The following ATXN1 variants were observed in gnomAD, a reference collection of about 807,000 sequenced individuals.
The protein encoded by ATXN1 is ataxin-1.
ATXN1 carries 8 observed loss-of-function variants against 56.4 expected under a neutral mutation model. The ratio of observed to expected loss-of-function variants is 0.14; its 90% CI spans 0.08 to 0.26. ATXN1 has a LOEUF of 0.26. Ranked by LOEUF, ATXN1 falls within the 10% of genes least tolerant of loss-of-function variation. The pLI, the probability that ATXN1 is intolerant of heterozygous loss-of-function variation, is 1.00. For synonymous variants in ATXN1, 514 were observed against 494.6 expected (o/e 1.04, Z -0.52); for missense variants, 987 against 1,106.5 (o/e 0.89, Z 1.53).
intron 5 of ATXN1, among the ~76,000 whole-genome samples, chr6:16,518,213 C>T (rs766230526): frequency 2.6e-5 from 4 of 152,168 alleles, no homozygotes; most frequent in Admixed American, 2.6e-4. Context: ...AGGAAGGAAA[C>T]GCCACGCCCC....
chr6:16,474,577 T>C (rs1293145766), intron 6 of ATXN1, among the ~76,000 whole-genome samples: 2 of 152,204 alleles, frequency 1.3e-5, no homozygotes, highest in African/African-American at 4.8e-5. Context: ...TTGGGATGGC[T>C]TGTTACACAG....
At chr6:16,627,419 C>T (rs1444934107) in intron 3 of ATXN1, among the ~76,000 whole-genome samples, 2 of 152,120 alleles carry the variant, frequency 1.3e-5, no homozygotes, top group Admixed American at 1.3e-4. Context: ...TACATATCAC[C>T]CAACATCCCA....
intron 6 of ATXN1, among the ~76,000 whole-genome samples, chr6:16,395,270 CAAAAAAAA>C (rs748314030): frequency 2.1e-5 from 1 of 48,456 alleles, no homozygotes; most frequent in Non-Finnish European, 3.9e-5. Context: ...AACTCCGTCT[CAAAAAAAA>C]AAAAAAAAAA....
intron 6 of ATXN1, among the ~76,000 whole-genome samples, chr6:16,402,605 G>C (rs16878043): frequency 0.018 from 2,702 of 152,192 alleles, 74 homozygotes; most frequent in African/African-American, 0.059. Flanking sequence ...TGCATGCAAG[G>C]CTTAGCTGGA....
chr6:16,623,120 G>A (rs1289319875), intron 3 of ATXN1, among the ~76,000 whole-genome samples: 2 of 151,914 alleles, frequency 1.3e-5, no homozygotes, highest in East Asian at 3.8e-4. Context: ...CATTCAAGTA[G>A]TTTGGGTTTA....
chr6:16,526,041 C>CTATATATATATATATA (rs71769107), intron 4 of ATXN1, among the ~76,000 whole-genome samples: 20 of 127,122 alleles, frequency 1.6e-4, no homozygotes, highest in African/African-American at 3.8e-4. Context: ...AGAAATAAAT[C>CTATATATATATATATA]TATATATATA....
chr6:16,404,374 AGG>A (rs1262469455), intron 6 of ATXN1, among the ~76,000 whole-genome samples: 1 of 152,176 alleles, frequency 6.6e-6, no homozygotes, highest in African/African-American at 2.4e-5. Flanking sequence ...TTCCACTAAA[AGG>A]TGCTTTGTCC....
chr6:16,686,025 A>G (rs1476083651), intron 2 of ATXN1, among the ~76,000 whole-genome samples: 3 of 152,210 alleles, frequency 2.0e-5, no homozygotes, highest in Non-Finnish European at 4.4e-5. Flanking sequence ...AATATTCTTA[A>G]TGAAAAGTTC....
At chr6:16,608,209 C>T (rs1763045534) in intron 3 of ATXN1, among the ~76,000 whole-genome samples, 1 of 152,214 alleles carries the variant, frequency 6.6e-6, no homozygotes, top group African/African-American at 2.4e-5. Flanking sequence ...CAAACCTGCT[C>T]TACATCTGTC....
intron 3 of ATXN1, among the ~76,000 whole-genome samples, chr6:16,653,599 A>T (rs1048389280): frequency 2.0e-4 from 31 of 152,180 alleles, no homozygotes; most frequent in African/African-American, 5.8e-4. Flanking sequence ...CTCATAGCTG[A>T]TGTCCCCACT....
At chr6:16,395,946 C>T (rs1157630228) in intron 6 of ATXN1, among the ~76,000 whole-genome samples, 2 of 128,580 alleles carry the variant, frequency 1.6e-5, no homozygotes, top group African/African-American at 5.9e-5. Context: ...ACCAGGGAGT[C>T]GGAGGTTGCA....
chr6:16,624,551 C>G (rs1055903237), intron 3 of ATXN1, among the ~76,000 whole-genome samples: 7 of 152,024 alleles, frequency 4.6e-5, no homozygotes, highest in Non-Finnish European at 1.0e-4. Context: ...AGTATTAGGT[C>G]GGGTTCAAGC....
chr6:16,326,469 G>A lies in ATXN1; in HGVS notation c.1842C>T (p.Thr614=), dbSNP rs756405286. 68 of 1,614,008 alleles carry A rather than the reference G, an allele frequency of 4.2e-5. No homozygotes were observed. Among genetic ancestry groups the A allele is most frequent in the Non-Finnish European group, 5.5e-5 (65 of 1,180,028 alleles). The change falls in exon 7 of 8, where the codon ACC becomes ACT. Residue 614 remains threonine, a synonymous_variant. Transcript: ENST00000436367. This position sits in a 1 kb window ranked among gnomAD's most constrained non-coding sequence, Gnocchi z 6.6. The part of the protein sequence containing the change: ...ISNDLKIDSS[T]VERIEDSHSP... ...TATGGCTGTCTTCAATCCTCTCTAC[G>A]GTGCTGGAGTCGATCTTCAGGTCGT...
In ATXN1 at chr6:16,348,725, C is replaced by T. The variant is rs534983195; in HGVS notation, c.-160-20255G>A. ...AAAAAAAAATGAAGATAGTAATACG[C>T]CTTATTTCATGAAGTTGTTATGAGA... On this transcript the variant is annotated intron_variant, in intron 6 of 7. Transcript: ENST00000436367. 2.6e-5 allele frequency among the ~76,000 whole-genome samples: 4 copies of T among 152,230 alleles called. No individual in the cohort carries two copies. In the East Asian group the frequency reaches 5.8e-4, roughly 22 times the overall value.
intron 6 of ATXN1, among the ~76,000 whole-genome samples, chr6:16,399,671 G>A (rs1758528280): frequency 6.6e-6 from 1 of 152,142 alleles, no homozygotes; most frequent in African/African-American, 2.4e-5. Flanking sequence ...ACCTGGAAGT[G>A]TCTGAGGACA....
chr6:16,525,795 C>A, intron 4 of ATXN1, among the ~76,000 whole-genome samples: 1 of 149,918 alleles, frequency 6.7e-6, no homozygotes, highest in Admixed American at 6.6e-5. Flanking sequence ...ACCTATGTAC[C>A]CACAAAAAAA....
chr6:16,698,244 T>C (rs1209278279), intron 2 of ATXN1, among the ~76,000 whole-genome samples: 1 of 152,204 alleles, frequency 6.6e-6, no homozygotes, highest in East Asian at 1.9e-4. Context: ...TTAGTGACTG[T>C]TGCTGAAGAA....
At chr6:16,335,400 G>A (rs1212359365) in intron 6 of ATXN1, among the ~76,000 whole-genome samples, 4 of 152,182 alleles carry the variant, frequency 2.6e-5, no homozygotes, top group Non-Finnish European at 4.4e-5. Flanking sequence ...TCGCCCCAAC[G>A]CGCTCGGGTT....
intron 7 of ATXN1, among the ~76,000 whole-genome samples, chr6:16,319,609 G>T (rs1760598282): frequency 6.6e-6 from 1 of 152,174 alleles, no homozygotes; most frequent in Non-Finnish European, 1.5e-5. Context: ...TAAAAATAAG[G>T]TATCGGTACT....
Sources: allele counts gnomAD v4.1 joint callset (sites outside exome capture counted in the v4.1 genomes callset), GRCh38; gene constraint gnomAD v4.1.1; non-coding constraint Gnocchi (gnomAD v3.1); transcripts MANE v1.5; gene names NCBI Gene and HGNC (gene_info 2026-07-23, HGNC 2026-07-21).